Variants in ERAP1 observed in about 807,000 individuals in gnomAD.
ERAP1 encodes the protein adipocyte-derived leucine aminopeptidase.
Under a neutral mutation model 103.7 loss-of-function variants are expected in ERAP1, and 86 were observed. The ratio of observed to expected loss-of-function variants is 0.83; its 90% CI spans 0.70 to 0.99. The LOEUF (loss-of-function observed/expected upper bound fraction) is 0.99. Among genes scored for constraint, ERAP1 ranks in the 50% least tolerant of loss-of-function variants. The pLI is 0.00. For synonymous variants in ERAP1, 398 were observed against 402.4 expected (o/e 0.99, Z 0.13); for missense variants, 1,009 against 1,128.4 (o/e 0.89, Z 1.52).
At chr5:96,912,523 A>G in the ERAP1 span, 3 of 632,290 alleles carry the variant, frequency 4.7e-6, no homozygotes, top group Non-Finnish European at 7.8e-6. Context: ...GATTTAATAC[A>G]TTGAGTACTG....
At chr5:96,837,515 A>G in the ERAP1 span, among the ~76,000 whole-genome samples, 10 of 152,182 alleles carry the variant, frequency 6.6e-5, no homozygotes, top group Non-Finnish European at 1.5e-4. Context: ...CCCTCGTGGG[A>G]CGGGGAGCGC....
At chr5:96,856,365 T>TATATATATATAGAGAGAGAGAGAGAG in the ERAP1 span, among the ~76,000 whole-genome samples, 7 of 20,374 alleles carry the variant, frequency 3.4e-4, no homozygotes, top group East Asian at 5.6e-4. Flanking sequence ...TATATATATA[T>TATATATATATAGAGAGAGAGAGAGAG]AGAGAGAGAG....
At chr5:96,882,634 G>GT in the ERAP1 span, among the ~76,000 whole-genome samples, 1 of 152,070 alleles carries the variant, frequency 6.6e-6, no homozygotes, top group Non-Finnish European at 1.5e-5. Context: ...AGGTTTTTTT[G>GT]TTTTTTCAAT....
At chr5:96,794,616 A>G (rs1777143694) in intron 5 of ERAP1, among the ~76,000 whole-genome samples, 1 of 152,216 alleles carries the variant, frequency 6.6e-6, no homozygotes, top group Non-Finnish European at 1.5e-5. Flanking sequence ...AAAATCAAAC[A>G]TACAATAGTT....
At chr5:96,770,622 T>G (rs753172662), downstream of ERAP1, 2 of 1,511,546 alleles carry the variant, frequency 1.3e-6, no homozygotes, top group African/African-American at 2.7e-5. Context: ...GCAGTAAATA[T>G]ACTACAAATT....
chr5:96,852,661 G>A, the ERAP1 span, among the ~76,000 whole-genome samples: 1 of 152,108 alleles, frequency 6.6e-6, no homozygotes, highest in Non-Finnish European at 1.5e-5. Context: ...TAGATGCGAA[G>A]TCCTATATTC....
chr5:96,892,235 A>G, the ERAP1 span: 1 of 1,545,324 alleles, frequency 6.5e-7, no homozygotes, highest in Non-Finnish European at 8.9e-7. Flanking sequence ...ATTTGAGCAG[A>G]GAGCAAATTC....
exon 20 of ERAP1, chr5:96,763,108 A>T: frequency 1.3e-6 from 1 of 778,032 alleles, no homozygotes; most frequent in Non-Finnish European, 2.4e-6. Flanking sequence ...GATGGAGATG[A>T]AGTAACTTTA....
chr5:96,803,491 TGTACGGGAGCCC>T lies in ERAP1; in HGVS notation c.424_435del (p.Gly142_Tyr145del). On this transcript the variant is annotated inframe_deletion, in exon 2 of 19. Transcript: ENST00000443439. ...TTGCCAGCATAGTGAATGACAACTG[TGTACGGGAGCCC>T]GACAAGGAGGGGCTCGGGAGCCAGC... 1 of 1,613,628 alleles carries T rather than the reference TGTACGGGAGCCC, an allele frequency of 6.2e-7. No individual in the cohort carries two copies. Among genetic ancestry groups the T allele is most frequent in the South Asian group, 1.1e-5 (1 of 91,066 alleles).
chr5:96,903,523 A>C, the ERAP1 span: 1 of 1,610,796 alleles, frequency 6.2e-7, no homozygotes, highest in Non-Finnish European at 8.5e-7. Flanking sequence ...ACCTAAGGAC[A>C]GAGTAGGTCT....
chr5:96,774,591 G>A lies in ERAP1; in HGVS notation c.*1805C>T. 1.0e-6 allele frequency: 1 copy of A among 985,458 alleles called. No homozygotes were observed. 61.0% of individuals were successfully genotyped at this position (985,458 alleles called of 1,614,324 possible). A position where few individuals can be genotyped will look rare whatever the true frequency, so the allele number is the denominator to read the frequency against. Reference sequence around the variant, plus strand: ...CTTTTCCAAAAGCAAACAAAGATAGGTTCCTCAGGTGACCAAAACTGAAAA... The same window carrying A: ...CTTTTCCAAAAGCAAACAAAGATAGATTCCTCAGGTGACCAAAACTGAAAA... On this transcript the variant is annotated 3_prime_UTR_variant, in exon 19 of 19. Transcript: ENST00000443439.
chr5:96,842,867 GA>G, the ERAP1 span, among the ~76,000 whole-genome samples: 2 of 152,146 alleles, frequency 1.3e-5, no homozygotes, highest in African/African-American at 2.4e-5. Context: ...CCAATGTCTA[GA>G]AGGATTTTTT....
chr5:96,774,889 T>C lies in ERAP1; in HGVS notation c.*1507A>G, dbSNP rs1212843544. On this transcript the variant is annotated 3_prime_UTR_variant, in exon 19 of 19. Transcript: ENST00000443439. The stretch of plus-strand genomic sequence containing the variant: ...GAAGTCACTCTATTTTGTCGTGTAT[T>C]AGGGGAACACATTTTGACATTTTTC... 1.0e-6 allele frequency: 1 copy of C among 984,920 alleles called. No homozygotes were observed. The highest frequency in any genetic ancestry group is 1.2e-6 in the Non-Finnish European group (1 of 829,632). The allele number at this position is 984,920 out of a possible 1,614,324, so 61.0% of individuals were successfully genotyped here. A position where few individuals can be genotyped will look rare whatever the true frequency, so the allele number is the denominator to read the frequency against.
the ERAP1 span, among the ~76,000 whole-genome samples, chr5:96,891,494 T>TGA: frequency 1.1e-5 from 1 of 89,706 alleles, no homozygotes; most frequent in African/African-American, 4.5e-5. Context: ...TGTGTGTGTG[T>TGA]GTGTGTATAT....
At chr5:96,883,953 T>G in the ERAP1 span, 6 of 1,549,756 alleles carry the variant, frequency 3.9e-6, no homozygotes, top group Non-Finnish European at 5.2e-6. Context: ...CCAGAAACTT[T>G]TAGAAATTGT....
chr5:96,791,855 T>C (rs188185092), intron 8 of ERAP1, among the ~76,000 whole-genome samples: 86 of 152,288 alleles, frequency 5.6e-4, no homozygotes, highest in African/African-American at 1.9e-3. Context: ...CAAGAAAGAA[T>C]ATATGAAGAA....
the ERAP1 span, chr5:96,903,647 G>A: frequency 6.4e-4 from 781 of 1,224,060 alleles, 6 homozygotes; most frequent in Admixed American, 9.2e-3. Flanking sequence ...TTCAACATTG[G>A]TCATTGATTT....
chr5:96,880,469 A>G, the ERAP1 span, among the ~76,000 whole-genome samples: 23,412 of 152,260 alleles, frequency 0.15, 2,284 homozygotes, highest in Middle Eastern at 0.31. Flanking sequence ...CTAGAGGGTG[A>G]ATAACTAGGA....
At chr5:96,766,160 A>G (rs1466064860) in intron 19 of ERAP1, 3 of 1,430,164 alleles carry the variant, frequency 2.1e-6, no homozygotes, top group South Asian at 1.2e-5. Flanking sequence ...ACTGAGGCAA[A>G]TTGCTAGATC....
Sources: gnomAD v4.1 joint callset for allele counts (sites outside exome capture counted in the v4.1 genomes callset) on GRCh38, gnomAD v4.1.1 for gene constraint, MANE v1.5 for transcripts, NCBI Gene and HGNC (gene_info 2026-07-23, HGNC 2026-07-21) for gene names.